Variants in KPNA5 observed in about 807,000 individuals in gnomAD.
KPNA5 encodes the protein karyopherin subunit alpha 5, also known as importin subunit alpha-6.
A neutral mutation model predicts 71.3 loss-of-function variants in KPNA5; 46 were observed. The ratio of observed to expected loss-of-function variants is 0.65; its 90% CI spans 0.51 to 0.83. KPNA5 has a LOEUF of 0.83. KPNA5 is among the 40% of genes least tolerant of loss of function. The probability of loss-of-function intolerance (pLI) is 0.00; values close to 1 mark genes in which losing one functional copy is unlikely to be tolerated. For missense variants in KPNA5, 547 were observed against 628.3 expected (o/e 0.87, Z 1.38); for synonymous variants, 207 against 201.4 (o/e 1.03, Z -0.24).
chr6:116,695,338 A>C (rs1447496453), intron 4 of KPNA5, among the ~76,000 whole-genome samples: 1 of 152,034 alleles, frequency 6.6e-6, no homozygotes, highest in Non-Finnish European at 1.5e-5. Flanking sequence ...GGTTCTTTAT[A>C]GTACATAATT....
At chr6:116,691,917 A>T in intron 2 of KPNA5, 138 bp from the exon 3 acceptor site, 1 of 673,760 alleles carries the variant, frequency 1.5e-6, no homozygotes. Context: ...AATGATTGGG[A>T]AATACTCAAA....
chr6:116,739,727 A>C lies in KPNA5; in HGVS notation c.*7404A>C, dbSNP rs1779799840. 1 of 151,966 alleles carries C rather than the reference A, an allele frequency of 6.6e-6. No homozygotes were observed. The highest frequency in any genetic ancestry group is 1.5e-5 in the Non-Finnish European group (1 of 67,968). 9.4% of individuals were successfully genotyped at this position (151,966 alleles called of 1,614,324 possible). Reference sequence around the variant, plus strand: ...AACTATCTGATCTTTGACAAACCTGAGAAAAACAAGCAATGGGGAAAGGAT... The same window carrying C: ...AACTATCTGATCTTTGACAAACCTGCGAAAAACAAGCAATGGGGAAAGGAT... On this transcript the variant is annotated 3_prime_UTR_variant, in exon 14 of 14. Coordinates refer to ENST00000368564, the MANE Select transcript of KPNA5 (RefSeq NM_001366306.2).
chr6:116,698,831 C>A, intron 5 of KPNA5, 33 bp downstream of exon 5: 1 of 1,256,602 alleles, frequency 8.0e-7, no homozygotes, highest in Non-Finnish European at 1.1e-6. Flanking sequence ...TAATTTTTCT[C>A]TAGAAATGAC....
chr6:116,728,875 C>T (rs1398111463), intron 12 of KPNA5, among the ~76,000 whole-genome samples: 2 of 151,870 alleles, frequency 1.3e-5, no homozygotes, highest in African/African-American at 4.8e-5. Context: ...GGACTTTTTG[C>T]CAAGTGAACA....
intron 7 of KPNA5, among the ~76,000 whole-genome samples, chr6:116,714,492 G>T (rs1457139450): frequency 6.6e-6 from 1 of 152,120 alleles, no homozygotes; most frequent in Admixed American, 6.5e-5. Context: ...TAAGCCTAAA[G>T]GAAAACTAGA....
At chr6:116,729,406 A>G (rs1311455210) in intron 12 of KPNA5, among the ~76,000 whole-genome samples, 157 bp from the exon 13 acceptor site, 1 of 152,032 alleles carries the variant, frequency 6.6e-6, no homozygotes. Flanking sequence ...GAGAATTTAA[A>G]TGTGTGTAAT....
intron 1 of KPNA5, among the ~76,000 whole-genome samples, chr6:116,686,349 C>G (rs1005980752): frequency 2.6e-5 from 4 of 152,010 alleles, no homozygotes; most frequent in African/African-American, 9.7e-5. Context: ...CATGTATGTC[C>G]TTTGAAAAGT....
At position 116,726,622 on chromosome 6, in the gene KPNA5, G is replaced by T. The variant is rs772077016; in HGVS notation, c.1253G>T (p.Arg418Met). The change falls in exon 12 of 14, where the codon AGG (arginine) becomes ATG (methionine). Residue 418 changes from arginine (R) to methionine (M), a missense_variant and splice_region_variant. Coordinates refer to ENST00000368564, the MANE Select transcript of KPNA5 (RefSeq NM_001366306.2). The stretch of plus-strand genomic sequence containing the variant: ...TCAGGAGGTACTCCAGAGCAAATAA[G>T]GTATGATATAAACTTCTTAATTGTT... ...ATSGGTPEQI[R>M]YLVALGCIKP... 2 of 1,582,894 alleles carry T rather than the reference G, an allele frequency of 1.3e-6. No individual in the cohort carries two copies. Among genetic ancestry groups the T allele is most frequent in the African/African-American group, 1.4e-5 (1 of 73,040 alleles).
At chr6:116,692,529 A>G (rs1452340546) in intron 4 of KPNA5, 137 bp downstream of exon 4, 1 of 597,092 alleles carries the variant, frequency 1.7e-6, no homozygotes, top group African/African-American at 1.9e-5. Flanking sequence ...AATATATTGT[A>G]AAGTAACATC....
intron 11 of KPNA5, 22 bp downstream of exon 11, chr6:116,725,898 G>C: frequency 6.2e-7 from 1 of 1,604,802 alleles, no homozygotes; most frequent in Non-Finnish European, 8.5e-7. Flanking sequence ...TCAGATCTGA[G>C]AGTAGAACAG....
At chr6:116,718,601 A>T (rs1778988391) in intron 8 of KPNA5, among the ~76,000 whole-genome samples, 2 of 151,390 alleles carry the variant, frequency 1.3e-5, no homozygotes, top group South Asian at 4.2e-4. Context: ...TCTTCCACTA[A>T]AATGTGAACT....
chr6:116,720,306 G>T (rs1214743200), intron 8 of KPNA5, among the ~76,000 whole-genome samples: 1 of 151,914 alleles, frequency 6.6e-6, no homozygotes, highest in African/African-American at 2.4e-5. Context: ...TTCTAAGTCG[G>T]TTACTGTTTC....
intron 2 of KPNA5, 23 bp from the exon 3 acceptor site, chr6:116,692,032 A>G (rs762837926): frequency 6.7e-7 from 1 of 1,487,730 alleles, no homozygotes; most frequent in Admixed American, 1.7e-5. Flanking sequence ...CTCAATGTGT[A>G]AACTGATTTC....
At chr6:116,683,951 CCCAGGCTGGAGT>C (rs1453066629) in intron 1 of KPNA5, among the ~76,000 whole-genome samples, 8 of 120,754 alleles carry the variant, frequency 6.6e-5, no homozygotes, top group Admixed American at 1.1e-4. Context: ...TGCTCTGTCT[CCCAGGCTGGAGT>C]CCAGGCTGGA....
At chr6:116,681,474 T>C in intron 1 of KPNA5, 136 bp downstream of exon 1, 1 of 1,389,050 alleles carries the variant, frequency 7.2e-7, no homozygotes, top group African/African-American at 1.5e-5. Flanking sequence ...GTGCCGGGTG[T>C]TTCTCGTGTT....
chr6:116,717,752 A>G (rs2114471788), intron 8 of KPNA5, among the ~76,000 whole-genome samples: 1 of 152,238 alleles, frequency 6.6e-6, no homozygotes, highest in Admixed American at 6.5e-5. Context: ...CCCCTTTCCC[A>G]TGATTCTTCC....
intron 2 of KPNA5, among the ~76,000 whole-genome samples, chr6:116,690,812 C>T (rs561574729): frequency 2.0e-5 from 3 of 152,190 alleles, no homozygotes; most frequent in East Asian, 1.9e-4. Context: ...TGTAAAATGG[C>T]ATGGTATTTG....
At chr6:116,706,793 A>G (rs998313700) in intron 7 of KPNA5, among the ~76,000 whole-genome samples, 1 of 152,198 alleles carries the variant, frequency 6.6e-6, no homozygotes, top group South Asian at 2.1e-4. Context: ...TTAAAAAAAT[A>G]AGAAAAGTAA....
At chr6:116,699,639 A>G (rs906678830) in intron 5 of KPNA5, among the ~76,000 whole-genome samples, 12 of 152,212 alleles carry the variant, frequency 7.9e-5, no homozygotes, top group African/African-American at 2.9e-4. Context: ...GAATGTTTAC[A>G]ATAAGGGTCT....
Sources: allele counts gnomAD v4.1 joint callset (sites outside exome capture counted in the v4.1 genomes callset), GRCh38; gene constraint gnomAD v4.1.1; transcripts MANE v1.5; gene names NCBI Gene and HGNC (gene_info 2026-07-23, HGNC 2026-07-21).